Variants in MYOT observed in about 807,000 individuals in gnomAD.
MYOT encodes myotilin.
In MYOT, 36 loss-of-function variants were observed where a neutral mutation model predicts 58.0. The observed-to-expected ratio is 0.62, with a 90% CI of 0.48 to 0.82. MYOT has a LOEUF of 0.82. Ranked by LOEUF, MYOT falls within the 40% of genes least tolerant of loss-of-function variation. The probability of loss-of-function intolerance (pLI) is 0.00; values close to 1 mark genes in which losing one functional copy is unlikely to be tolerated. For missense variants in MYOT, 505 were observed against 592.1 expected, an observed-to-expected ratio of 0.85 and a Z score of 1.53; for synonymous variants, 218 against 204.6, an observed-to-expected ratio of 1.07 and a Z score of -0.56.
In MYOT at chr5:137,870,177, G is replaced by A. The variant is rs1164607371; in HGVS notation, c.-211-264G>A. On this transcript the variant is annotated intron_variant, in intron 1 of 9. Coordinates refer to ENST00000239926, the MANE Select transcript of MYOT (RefSeq NM_006790.3). ...AGAAAAAAAGAAAAATTAGCCAGGC[G>A]TGGTGGCTTATATGTGTAGTCCTTA... 3.3e-5 allele frequency among the ~76,000 whole-genome samples: 5 copies of A among 151,274 alleles called. No homozygotes were observed. The East Asian group carries it at 7.7e-4, about 23-fold the overall frequency.
Position 137,887,551 on chromosome 5 carries a change from T to C in MYOT, c.*166T>C. ...TTTATCCTTTGACTCTTGCACATTC[T>C]ATGTACCCCTCCGATTTGTGAAGCC... On this transcript the variant is annotated 3_prime_UTR_variant, in exon 10 of 10. Transcript: ENST00000239926. 2.5e-6 allele frequency: 1 copy of C among 401,594 alleles called. No homozygotes were observed. Among genetic ancestry groups the C allele is most frequent in the Non-Finnish European group, 3.9e-6 (1 of 255,068 alleles). 24.9% of individuals were successfully genotyped at this position (401,594 alleles called of 1,614,324 possible).
chr5:137,881,289 A>G (rs1561662833), intron 5 of MYOT, among the ~76,000 whole-genome samples: 3 of 152,252 alleles, frequency 2.0e-5, no homozygotes, highest in Admixed American at 6.5e-5. Context: ...GTCATCAAAT[A>G]TGCCACAGGT....
intron 4 of MYOT, among the ~76,000 whole-genome samples, chr5:137,880,370 A>G (rs1755387157): frequency 6.6e-6 from 1 of 152,182 alleles, no homozygotes; most frequent in South Asian, 2.1e-4. Flanking sequence ...TTCCAGTCTA[A>G]TATGTGTTTA....
intron 5 of MYOT, among the ~76,000 whole-genome samples, chr5:137,881,514 A>C (rs1305532790): frequency 6.6e-6 from 1 of 152,112 alleles, no homozygotes; most frequent in Non-Finnish European, 1.5e-5. Context: ...AAAATACAAA[A>C]TTAGCCAGGC....
intron 2 of MYOT, among the ~76,000 whole-genome samples, chr5:137,872,339 T>C (rs1454544880): frequency 1.3e-5 from 2 of 152,370 alleles, no homozygotes; most frequent in East Asian, 1.9e-4. Flanking sequence ...TAGCTTTCTA[T>C]TATTTCCATA....
At chr5:137,886,772 G>GTTT in intron 8 of MYOT, 92 bp from the exon 9 acceptor site, 18 of 968,650 alleles carry the variant, frequency 1.9e-5, no homozygotes, top group Non-Finnish European at 2.6e-5. Flanking sequence ...ATTTTCAAAT[G>GTTT]TTTTTTTCTT....
In MYOT at chr5:137,884,837, A is replaced by G. The variant is rs62374124; in HGVS notation, c.1025-1211A>G. Among the ~76,000 whole-genome samples the G allele has an allele frequency of 7.8e-3, 1,184 of 152,352 alleles. 6 individuals carry two copies. The highest frequency in any genetic ancestry group is 0.013 in the Non-Finnish European group (899 of 68,032). ...TATATTGCATAAGAGATATTTTGCT[A>G]TAATTCACTATTTATTATACAGAAG... is the stretch of plus-strand genomic sequence containing the variant. On this transcript the variant is annotated intron_variant, in intron 7 of 9. Coordinates refer to ENST00000239926, the MANE Select transcript of MYOT (RefSeq NM_006790.3).
intron 3 of MYOT, among the ~76,000 whole-genome samples, chr5:137,877,147 T>C (rs1225208751): frequency 6.6e-6 from 1 of 151,062 alleles, no homozygotes; most frequent in Non-Finnish European, 1.5e-5. Context: ...GGCGGGTGGA[T>C]CACAAGGTCA....
At position 137,870,791 on chromosome 5, in the gene MYOT, G is replaced by A. The variant is rs1407071082; in HGVS notation, c.140G>A (p.Cys47Tyr). 4.3e-6 allele frequency: 7 copies of A among 1,614,012 alleles called. No individual in the cohort carries two copies. The highest frequency in any genetic ancestry group is 5.9e-6 in the Non-Finnish European group (7 of 1,180,036). ...QSSIIIQPRQCTEQRFSASST... is the reference protein window; with the variant it reads ...QSSIIIQPRQYTEQRFSASST... The stretch of plus-strand genomic sequence containing the variant: ...TCCATTATCATCCAGCCCCGCCAGT[G>A]TACAGAGCAAAGATTTTCTGCCTCC... Residue 47 changes from cysteine (C) to tyrosine (Y), a missense_variant, in exon 2 of 10, where the codon TGT (cysteine) becomes TAT (tyrosine). Coordinates refer to ENST00000239926, the MANE Select transcript of MYOT (RefSeq NM_006790.3).
At chr5:137,882,850 A>G (rs1755480765) in intron 6 of MYOT, 1 of 155,004 alleles carries the variant, frequency 6.5e-6, no homozygotes, top group Non-Finnish European at 1.4e-5. Context: ...TCCTTATAAA[A>G]TTTTTTTTCC....
intron 1 of MYOT, among the ~76,000 whole-genome samples, chr5:137,868,232 A>T (rs1754932420): frequency 6.6e-6 from 1 of 152,180 alleles, no homozygotes; most frequent in Non-Finnish European, 1.5e-5. Flanking sequence ...AATTGTGGTG[A>T]TGTCTTATGA....
chr5:137,877,292 C>T (rs1433485319), intron 3 of MYOT, among the ~76,000 whole-genome samples: 1 of 146,480 alleles, frequency 6.8e-6, no homozygotes, highest in African/African-American at 2.5e-5. Flanking sequence ...GGCGTGAACC[C>T]AGGAGGCGGA....
intron 1 of MYOT, 79 bp from the exon 2 acceptor site, chr5:137,870,362 A>C: frequency 2.0e-6 from 1 of 497,270 alleles, no homozygotes; most frequent in Non-Finnish European, 3.6e-6. Context: ...AAGAAAAAGC[A>C]CATCAGATCT....
intron 1 of MYOT, among the ~76,000 whole-genome samples, chr5:137,868,669 A>G (rs1219639233): frequency 6.6e-6 from 1 of 152,236 alleles, no homozygotes; most frequent in Non-Finnish European, 1.5e-5. Flanking sequence ...CTACTATTTC[A>G]TAAGCGGTTT....
intron 7 of MYOT, among the ~76,000 whole-genome samples, chr5:137,885,771 C>CAAAAAAAAAAAAAAAAAAAAAAAAAAA (rs71583286): frequency 6.5e-5 from 2 of 30,974 alleles, no homozygotes; most frequent in Non-Finnish European, 1.2e-4. Flanking sequence ...GACTCTGTCT[C>CAAAAAAAAAAAAAAAAAAAAAAAAAAA]AAAAAAAAAA....
chr5:137,884,103 T>G (rs1353262394), intron 7 of MYOT, among the ~76,000 whole-genome samples: 2 of 152,078 alleles, frequency 1.3e-5, no homozygotes, highest in Non-Finnish European at 2.9e-5. Context: ...TCCCAACACT[T>G]TAAGAGGCGC....
chr5:137,883,950 T>C (rs1417738261), intron 7 of MYOT, among the ~76,000 whole-genome samples: 1 of 152,240 alleles, frequency 6.6e-6, no homozygotes, highest in Non-Finnish European at 1.5e-5. Flanking sequence ...TAATCATTTC[T>C]CTGGTCTTTG....
Position 137,883,392 on chromosome 5 carries a change from A to G in MYOT, c.825A>G (p.Gly275=), listed in dbSNP as rs1326571769. 6 of 1,613,966 alleles carry G rather than the reference A, an allele frequency of 3.7e-6. No individual in the cohort carries two copies. Among genetic ancestry groups the G allele is most frequent in the African/African-American group, 1.3e-5 (1 of 74,930 alleles). Residue 275 remains glycine, a synonymous_variant, in exon 7 of 10, where the codon GGA becomes GGG. Transcript: ENST00000239926. ...RFCRMDFKVS[G]LPAPDVSWYL... ...TGTGTTTTTCTTTCTAGGTGAGTGG[A>G]CTGCCAGCTCCTGATGTGTCATGGT...
chr5:137,871,076 T>C (rs1755037605), intron 2 of MYOT, 69 bp downstream of exon 2: 1 of 1,309,176 alleles, frequency 7.6e-7, no homozygotes, highest in East Asian at 2.5e-5. Context: ...GGGGTAGGAG[T>C]TTTGGGGGTA....
Sources: allele counts gnomAD v4.1 joint callset (sites outside exome capture counted in the v4.1 genomes callset), GRCh38; gene constraint gnomAD v4.1.1; transcripts MANE v1.5; gene names NCBI Gene and HGNC (gene_info 2026-07-23, HGNC 2026-07-21).